Variants in SGMS2 observed in about 807,000 individuals in gnomAD.
The protein encoded by SGMS2 is sphingomyelin synthase 2, also known as phosphatidylcholine:ceramide cholinephosphotransferase 2.
Under a neutral mutation model 43.8 loss-of-function variants are expected in SGMS2, and 21 were observed. The ratio of observed to expected loss-of-function variants is 0.48; its 90% CI spans 0.34 to 0.69. SGMS2 has a LOEUF of 0.69. SGMS2 is among the 30% of genes least tolerant of loss of function. The probability of loss-of-function intolerance (pLI) is 0.01; values close to 1 mark genes in which losing one functional copy is unlikely to be tolerated. For synonymous variants in SGMS2, 167 were observed against 160.6 expected (o/e 1.04, Z -0.30); for missense variants, 384 against 443.2 (o/e 0.87, Z 1.20).
chr4:107,874,130 G>A (rs1214478999), intron 2 of SGMS2: 1 of 152,056 alleles, frequency 6.6e-6, no homozygotes, highest in African/African-American at 2.4e-5. Flanking sequence ...TGTGTTCTAG[G>A]TTTCTGCGAA....
At chr4:107,897,067 G>A (rs1036270917) in intron 3 of SGMS2, among the ~76,000 whole-genome samples, 1 of 152,132 alleles carries the variant, frequency 6.6e-6, no homozygotes, top group Admixed American at 6.5e-5. Context: ...TTGTTTTTTA[G>A]TTGGTAACAC....
At chr4:107,842,704 A>C (rs535458402) in intron 1 of SGMS2, among the ~76,000 whole-genome samples, 53 of 152,300 alleles carry the variant, frequency 3.5e-4, no homozygotes, top group African/African-American at 1.3e-3. Context: ...GGCTCATTCT[A>C]TCAGACTTCA....
chr4:107,856,781 C>T (rs868734001), intron 1 of SGMS2, among the ~76,000 whole-genome samples: 1 of 152,092 alleles, frequency 6.6e-6, no homozygotes, highest in Admixed American at 6.6e-5. Flanking sequence ...TGGAATATAG[C>T]ATTTTGGGCC....
intron 2 of SGMS2, among the ~76,000 whole-genome samples, chr4:107,862,604 T>G (rs1482204913): frequency 6.6e-6 from 1 of 152,198 alleles, no homozygotes; most frequent in Non-Finnish European, 1.5e-5. Flanking sequence ...GACCTGTTTA[T>G]TCTGTGTACA....
At chr4:107,836,272 C>T (rs936042070) in intron 1 of SGMS2, among the ~76,000 whole-genome samples, 11 of 152,196 alleles carry the variant, frequency 7.2e-5, no homozygotes, top group African/African-American at 2.7e-4. Context: ...AAATATCCCA[C>T]ATAAATCTGA....
intron 2 of SGMS2, among the ~76,000 whole-genome samples, chr4:107,869,580 A>T (rs1267561730): frequency 6.6e-6 from 1 of 152,170 alleles, no homozygotes; most frequent in Non-Finnish European, 1.5e-5. Flanking sequence ...CTTGAGAACA[A>T]GTAATTGGAT....
intron 1 of SGMS2, among the ~76,000 whole-genome samples, chr4:107,848,836 T>G (rs1200171353): frequency 6.6e-6 from 1 of 152,180 alleles, no homozygotes; most frequent in African/African-American, 2.4e-5. Flanking sequence ...AAATACTTTC[T>G]CCTAGTCAAT....
intron 1 of SGMS2, among the ~76,000 whole-genome samples, chr4:107,836,315 T>C (rs762632562): frequency 6.6e-6 from 1 of 152,186 alleles, no homozygotes; most frequent in African/African-American, 2.4e-5. Context: ...ATCCAATGAC[T>C]TTGGCATATT....
At position 107,855,805 on chromosome 4, in the gene SGMS2, T is replaced by C. The variant is rs947827594; in HGVS notation, c.-326-2667T>C. The stretch of plus-strand genomic sequence containing the variant: ...GGGGTGTTGAAGTCCTCTACTATTA[T>C]TGTTTTGCAATCTGTCTCTCCCTTT... On this transcript the variant is annotated intron_variant, in intron 1 of 6. Coordinates refer to ENST00000690982, the MANE Select transcript of SGMS2 (RefSeq NM_001375905.1). 3.9e-5 allele frequency among the ~76,000 whole-genome samples: 6 copies of C among 152,214 alleles called. 1 individual carries two copies. The highest frequency in any genetic ancestry group is 1.4e-4 in the African/African-American group (6 of 41,462).
chr4:107,836,768 A>G (rs1202205642), intron 1 of SGMS2, among the ~76,000 whole-genome samples: 2 of 152,200 alleles, frequency 1.3e-5, no homozygotes, highest in African/African-American at 4.8e-5. Flanking sequence ...ATCAGAGAAA[A>G]CATTACTTGA....
intron 1 of SGMS2, among the ~76,000 whole-genome samples, chr4:107,834,471 C>T (rs931743362): frequency 2.0e-5 from 3 of 152,140 alleles, no homozygotes; most frequent in African/African-American, 7.2e-5. Context: ...TGTGTCATAC[C>T]TTTGCATTTG....
intron 2 of SGMS2, chr4:107,864,438 G>C (rs1171241796): frequency 2.0e-5 from 3 of 152,212 alleles, no homozygotes; most frequent in Admixed American, 2.0e-4. Context: ...TCCCAAGGAA[G>C]TAGTTGGCCT....
chr4:107,891,434 T>G (rs1730209597), intron 2 of SGMS2, among the ~76,000 whole-genome samples: 1 of 152,116 alleles, frequency 6.6e-6, no homozygotes, highest in African/African-American at 2.4e-5. Flanking sequence ...AACCCCAATT[T>G]AGTTATCTAG....
At chr4:107,857,572 T>C (rs182124857) in intron 1 of SGMS2, among the ~76,000 whole-genome samples, 1 of 151,752 alleles carries the variant, frequency 6.6e-6, no homozygotes, top group East Asian at 1.9e-4. Context: ...ATCATATACA[T>C]ATATGCACTA....
chr4:107,868,569 T>G (rs550236165), intron 2 of SGMS2, among the ~76,000 whole-genome samples: 2 of 152,058 alleles, frequency 1.3e-5, no homozygotes, highest in East Asian at 1.9e-4. Context: ...AATACAAAAA[T>G]CAGCTGGGCG....
At chr4:107,854,424 A>C (rs558105554) in intron 1 of SGMS2, among the ~76,000 whole-genome samples, 1 of 152,340 alleles carries the variant, frequency 6.6e-6, no homozygotes. Flanking sequence ...ACTATGACTA[A>C]TAGGAATATT....
intron 2 of SGMS2, chr4:107,863,785 A>G (rs1727916177): frequency 1.3e-5 from 2 of 152,254 alleles, no homozygotes; most frequent in Admixed American, 6.5e-5. Context: ...AAAGTAAACC[A>G]CAGTAAGTCA....
chr4:107,877,685 T>G (rs563708949), intron 2 of SGMS2, among the ~76,000 whole-genome samples: 2 of 152,256 alleles, frequency 1.3e-5, no homozygotes, highest in East Asian at 3.9e-4. Flanking sequence ...TTTTGTGAAT[T>G]AGTAAAATGA....
intron 1 of SGMS2, among the ~76,000 whole-genome samples, chr4:107,850,418 G>A (rs991395023): frequency 1.3e-5 from 2 of 152,112 alleles, no homozygotes; most frequent in Non-Finnish European, 2.9e-5. Context: ...CTATCTCTAA[G>A]CCTTTTTGGA....
Sources: gnomAD v4.1 joint callset for allele counts (sites outside exome capture counted in the v4.1 genomes callset) on GRCh38, gnomAD v4.1.1 for gene constraint, MANE v1.5 for transcripts, NCBI Gene and HGNC (gene_info 2026-07-23, HGNC 2026-07-21) for gene names.